CFAP65: variants seen among roughly 807,000 people sequenced by gnomAD.
CFAP65 encodes the protein cilia- and flagella-associated protein 65.
Under a neutral mutation model 208.0 loss-of-function variants are expected in CFAP65, and 155 were observed. The ratio of observed to expected loss-of-function variants is 0.75; its 90% CI spans 0.65 to 0.85. The LOEUF (loss-of-function observed/expected upper bound fraction) is 0.85, where lower values mean the gene tolerates loss of function less well. CFAP65 is among the 40% of genes least tolerant of loss of function. The probability of loss-of-function intolerance (pLI) is 0.00; values close to 1 mark genes in which losing one functional copy is unlikely to be tolerated. For missense variants in CFAP65, 2,294 were observed against 2,451.3 expected (o/e 0.94, Z 1.36); for synonymous variants, 970 against 986.3 (o/e 0.98, Z 0.31).
Position 219,004,577 on chromosome 2 carries a change from TG to T in CFAP65, c.5052-123del. The T allele has an allele frequency of 9.6e-7, 1 of 1,040,236 alleles. No individual in the cohort carries two copies. The highest frequency in any genetic ancestry group is 2.5e-5 in the East Asian group (1 of 40,418). 64.4% of individuals were successfully genotyped at this position (1,040,236 alleles called of 1,614,324 possible). On this transcript the variant is annotated intron_variant, in intron 32 of 34. Transcript: ENST00000341552. This position sits in a 1 kb window ranked among gnomAD's most constrained non-coding sequence, Gnocchi z 4.7. Reference sequence around the variant, plus strand: ...TGCTAGGTGGGGAGAGGGGAGCCCTTGGTCAGTTGTTCCTCCTGTCCCTTCT... The same window carrying T: ...TGCTAGGTGGGGAGAGGGGAGCCCTTGTCAGTTGTTCCTCCTGTCCCTTCT...
chr2:219,041,121 T>C (rs576416153), intron 1 of CFAP65, among the ~76,000 whole-genome samples: 1 of 152,332 alleles, frequency 6.6e-6, no homozygotes, highest in South Asian at 2.1e-4. Flanking sequence ...AATTGAAGTT[T>C]CCAATTTCGA....
At chr2:219,040,748 G>T (rs1279737302) in intron 1 of CFAP65, among the ~76,000 whole-genome samples, 184 bp from the exon 2 acceptor site, 2 of 152,204 alleles carry the variant, frequency 1.3e-5, no homozygotes, top group Admixed American at 1.3e-4. Context: ...GATGAGAGAT[G>T]ATGGGGTAGA....
chr2:219,032,435 A>G lies in CFAP65; in HGVS notation c.645+35T>C, dbSNP rs776401761. ...TGTTCTGAGGTCACTGCTCCCAGGTACCTCCCTGCCCTCACTCGCTGTGGC... is the reference window on the plus strand; with the variant it reads ...TGTTCTGAGGTCACTGCTCCCAGGTGCCTCCCTGCCCTCACTCGCTGTGGC... On this transcript the variant is annotated intron_variant, in intron 6 of 34. Coordinates refer to ENST00000341552, the MANE Select transcript of CFAP65 (RefSeq NM_194302.4). This position sits in a 1 kb window ranked among gnomAD's most constrained non-coding sequence, Gnocchi z 5.5. 1 of 1,535,884 alleles carries G rather than the reference A, an allele frequency of 6.5e-7. No individual in the cohort carries two copies. Among genetic ancestry groups the G allele is most frequent in the Non-Finnish European group, 8.8e-7 (1 of 1,133,618 alleles).
At position 219,010,555 on chromosome 2, in the gene CFAP65, C is replaced by T; in HGVS notation, c.4299G>A (p.Val1433=). ...DNSSIHSRLV[V]PGQNVFLSQS... ...GCTCCCCTTTCCCCACCTGTCCAGG[C>T]ACCACCAGCCTAGAGTGTATGGAAC... The change falls in exon 26 of 35, where the codon GTG becomes GTA. Residue 1433 remains valine (V), a synonymous_variant. Coordinates refer to ENST00000341552, the MANE Select transcript of CFAP65 (RefSeq NM_194302.4). 6.2e-7 allele frequency: 1 copy of T among 1,609,740 alleles called. No homozygotes were observed. Among genetic ancestry groups the T allele is most frequent in the Non-Finnish European group, 8.5e-7 (1 of 1,179,106 alleles).
rs1947738559 is a variant in CFAP65, at chr2:219,027,839, C to A, written c.2022G>T (p.Leu674=). The change falls in exon 13 of 35, where the codon CTG becomes CTT. Residue 674 remains leucine (L), a synonymous_variant. Coordinates refer to ENST00000341552, the MANE Select transcript of CFAP65 (RefSeq NM_194302.4). ...PGPEAPNPVP[L]CLMNHTKGKI... ...TGCCCTTGGTGTGGTTCATCAGGCA[C>A]AGGGGTACAGGGTTGGGGGCCTCAG... 1.9e-6 allele frequency: 3 copies of A among 1,596,612 alleles called. No individual in the cohort carries two copies. Among genetic ancestry groups the A allele is most frequent in the Admixed American group, 1.7e-5 (1 of 59,392 alleles).
chr2:219,030,840 G>A lies in CFAP65; in HGVS notation c.1016-6C>T, dbSNP rs1947967923. On this transcript the variant is annotated splice_region_variant and splice_polypyrimidine_tract_variant and intron_variant, in intron 8 of 34. Transcript: ENST00000341552. ...CAGCAGCTGGGCGCACTTGGCTGGG[G>A]CAGAGATGGGGGAGTCTTGGGGGAA... The A allele has an allele frequency of 3.1e-6, 5 of 1,612,532 alleles. No homozygotes were observed. The highest frequency in any genetic ancestry group is 1.3e-5 in the African/African-American group (1 of 74,932).
chr2:219,005,460 C>A lies in CFAP65; in HGVS notation c.5025G>T (p.Leu1675=), dbSNP rs530530728. 6.2e-7 allele frequency: 1 copy of A among 1,613,778 alleles called. No homozygotes were observed. The highest frequency in any genetic ancestry group is 1.7e-5 in the Admixed American group (1 of 59,996). The change falls in exon 32 of 35, where the codon CTG becomes CTT. Residue 1675 remains leucine (L), a synonymous_variant. Transcript: ENST00000341552. ...GPVSKQKKQL[L]VDILTTIIRG... ...TGATTATTGTGGTGAGAATGTCAAC[C>A]AGGAGCTGCTTCTTCTGCTTGGAAA...
intron 31 of CFAP65, among the ~76,000 whole-genome samples, 167 bp downstream of exon 31, chr2:219,005,854 C>T (rs79706470): frequency 0.071 from 10,756 of 152,238 alleles, 1,263 homozygotes; most frequent in African/African-American, 0.24. Flanking sequence ...CCTAAAAGGG[C>T]CTAAGCAGTA....
At chr2:219,025,892 G>A (rs1947596121) in intron 14 of CFAP65, 130 bp downstream of exon 14, 20 of 1,165,850 alleles carry the variant, frequency 1.7e-5, no homozygotes, top group Admixed American at 6.5e-5. Context: ...CACAGCGGAC[G>A]TGGGGACAGC....
Position 219,024,026 on chromosome 2 carries a change from G to T in CFAP65, c.2584C>A (p.Gln862Lys). The T allele has an allele frequency of 6.2e-7, 1 of 1,613,498 alleles. No homozygotes were observed. ...CCTCTGCCTCCTACCTTGAGATACT[G>T]GGGGGAAGCATTGCACTGCAGATAG... ...TFYLQCNASP[Q>K]YLKEVSMYSR... Residue 862 changes from glutamine to lysine, a missense_variant, in exon 15 of 35, where the codon CAG becomes AAG. Gln to Lys is a moderately conservative substitution (Grantham distance 53). This residue lies in a region of CFAP65 where 1,427 missense variants were observed against 1,438.7 expected (regional missense o/e 0.99). Coordinates refer to ENST00000341552, the MANE Select transcript of CFAP65 (RefSeq NM_194302.4).
chr2:219,023,109 T>A (rs116320711), intron 16 of CFAP65, 98 bp downstream of exon 16: 1 of 986,408 alleles, frequency 1.0e-6, no homozygotes, highest in South Asian at 1.4e-5. Context: ...GTGGATGGAA[T>A]TGGGGGCTGC....
chr2:219,004,154 TCTCCTCTTCTTC>T lies in CFAP65; in HGVS notation c.5341_5352del (p.Glu1781_Glu1784del). 6.2e-7 allele frequency: 1 copy of T among 1,613,650 alleles called. No individual in the cohort carries two copies. The highest frequency in any genetic ancestry group is 1.1e-5 in the South Asian group (1 of 91,064). On this transcript the variant is annotated inframe_deletion, in exon 33 of 35. Coordinates refer to ENST00000341552, the MANE Select transcript of CFAP65 (RefSeq NM_194302.4). This position sits in a 1 kb window ranked among gnomAD's most constrained non-coding sequence, Gnocchi z 4.7. ...TCCTTGCCCAACTCCTCCTCTTCTG[TCTCCTCTTCTTC>T]CTCCTCTTCCTCCTCCAACTCTTCT... is the stretch of plus-strand genomic sequence containing the variant.
chr2:219,041,485 T>TA lies in CFAP65; in HGVS notation c.-49+2dup. On this transcript the variant is annotated splice_region_variant and intron_variant, in intron 1 of 34. Coordinates refer to ENST00000341552, the MANE Select transcript of CFAP65 (RefSeq NM_194302.4). ...GACCTTGGGACTAACGCTCAGAACT[T>TA]ACATCGCCTCCATATTGCCGTCTCC... The TA allele has an allele frequency of 6.4e-7, 1 of 1,550,526 alleles. No individual in the cohort carries two copies. The highest frequency in any genetic ancestry group is 8.7e-7 in the Non-Finnish European group (1 of 1,146,982).
chr2:219,030,582 G>A, intron 9 of CFAP65, 107 bp downstream of exon 9: 2 of 1,433,274 alleles, frequency 1.4e-6, no homozygotes, highest in Non-Finnish European at 1.9e-6. Context: ...ATGAGGCTTG[G>A]GGCCAAAGGC....
In CFAP65 at chr2:219,004,447, A is replaced by G. The variant is rs771824935; in HGVS notation, c.5060T>C (p.Leu1687Pro). The change falls in exon 33 of 35, where the codon CTG becomes CCG. Residue 1687 changes from leucine (L) to proline (P), a missense_variant. Leu to Pro is a moderately conservative substitution (Grantham distance 98). Transcript: ENST00000341552. This position sits in a 1 kb window ranked among gnomAD's most constrained non-coding sequence, Gnocchi z 4.7. The stretch of plus-strand genomic sequence containing the variant: ...AGCCTCATGGAAGTTCTTGTCTTCC[A>G]GCAGGCCCCTAGGTGGCAGGGAGAA... ...DILTTIIRGL[L>P]EDKNFHEAVD... 1.2e-6 allele frequency: 2 copies of G among 1,607,830 alleles called. No individual in the cohort carries two copies. Among genetic ancestry groups the G allele is most frequent in the Admixed American group, 3.3e-5 (2 of 59,764 alleles).
intron 24 of CFAP65, among the ~76,000 whole-genome samples, chr2:219,012,444 A>T (rs1388783387): frequency 2.6e-5 from 4 of 152,220 alleles, no homozygotes; most frequent in African/African-American, 7.2e-5. Context: ...GCGGGTGGGT[A>T]TGGAAGTGAA....
At position 219,038,497 on chromosome 2, in the gene CFAP65, T is replaced by C. The variant is rs751402424; in HGVS notation, c.235A>G (p.Arg79Gly). 5.6e-5 allele frequency: 90 copies of C among 1,614,052 alleles called. No homozygotes were observed. Among genetic ancestry groups the C allele is most frequent in the Non-Finnish European group, 7.2e-5 (85 of 1,180,048 alleles). ...TQAPSSVVRS[R>G]NSRNHTVNSG... Reference sequence around the variant, plus strand: ...TTCACGGTGTGGTTCCTGCTGTTCCTGGACCTCACGACGGAGCTTGGAGCC... The same window carrying C: ...TTCACGGTGTGGTTCCTGCTGTTCCCGGACCTCACGACGGAGCTTGGAGCC... Residue 79 changes from arginine (R) to glycine (G), a missense_variant, in exon 4 of 35, where the codon AGG (arginine) becomes GGG (glycine). Physicochemically the swap from Arg to Gly is moderately radical, Grantham distance 125. Around this residue, in one of 2 missense-constraint regions of CFAP65, gnomAD observed 867 missense variants for 1,012.6 expected, o/e 0.86. Transcript: ENST00000341552.
At chr2:219,009,494 A>G (rs1439892445) in intron 27 of CFAP65, 34 bp from the exon 28 acceptor site, 1 of 1,448,626 alleles carries the variant, frequency 6.9e-7, no homozygotes, top group Non-Finnish European at 9.7e-7. Flanking sequence ...CTGGAGATTC[A>G]CAGGGATGGA....
In CFAP65 at chr2:219,005,431, T is replaced by C. The variant is rs1212249652; in HGVS notation, c.5051+3A>G. The C allele has an allele frequency of 1.2e-6, 2 of 1,613,772 alleles. No homozygotes were observed. Among genetic ancestry groups the C allele is most frequent in the East Asian group, 2.2e-5 (1 of 44,866 alleles). ...AATGAGGGCCCAGGGTGTGAGCTGG[T>C]ACCTGATTATTGTGGTGAGAATGTC... On this transcript the variant is annotated splice_donor_region_variant and intron_variant, in intron 32 of 34. Transcript: ENST00000341552.
Sources: allele counts gnomAD v4.1 joint callset (sites outside exome capture counted in the v4.1 genomes callset), GRCh38; gene constraint gnomAD v4.1.1; regional missense constraint gnomAD v4.1.1; non-coding constraint Gnocchi (gnomAD v3.1); transcripts MANE v1.5; gene names NCBI Gene and HGNC (gene_info 2026-07-23, HGNC 2026-07-21).